AGBL1: variants seen among roughly 807,000 people sequenced by gnomAD.
The protein encoded by AGBL1 is cytosolic carboxypeptidase 4.
Under a neutral mutation model 118.9 loss-of-function variants are expected in AGBL1, and 130 were observed. That is an observed-to-expected ratio of 1.09 (90% CI 0.95 to 1.26). The LOEUF is 1.26. AGBL1 is among the 50% of genes most tolerant of loss of function. The pLI is 0.00. For synonymous variants in AGBL1, 555 were observed against 478.9 expected (o/e 1.16, Z -2.08); for missense variants, 1,584 against 1,298.1 (o/e 1.22, Z -3.38).
chr15:86,164,903 A>C (rs569418926), intron 5 of AGBL1, among the ~76,000 whole-genome samples: 110 of 152,300 alleles, frequency 7.2e-4, no homozygotes, highest in Non-Finnish European at 1.1e-3. Context: ...CCCCAAGGAC[A>C]CAGGAAGTCA....
intron 17 of AGBL1, among the ~76,000 whole-genome samples, chr15:86,354,452 A>G (rs371619175): frequency 7.9e-5 from 12 of 152,246 alleles, no homozygotes; most frequent in African/African-American, 2.9e-4. Flanking sequence ...CCATTGTCAG[A>G]AAAGGACCAG....
chr15:86,521,590 T>C (rs983242271), intron 18 of AGBL1, among the ~76,000 whole-genome samples: 3 of 152,090 alleles, frequency 2.0e-5, no homozygotes, highest in Admixed American at 6.6e-5. Flanking sequence ...CAGGGAAAGT[T>C]CCCCTGCAGA....
At chr15:86,215,227 G>A (rs80244425) in intron 5 of AGBL1, among the ~76,000 whole-genome samples, 9,812 of 116,004 alleles carry the variant, frequency 0.085, 469 homozygotes, top group East Asian at 0.26. Context: ...ATGTATGCGT[G>A]TGTGTGTGTG....
intron 1 of AGBL1, among the ~76,000 whole-genome samples, chr15:86,136,666 A>G (rs576205938): frequency 6.6e-6 from 1 of 152,338 alleles, no homozygotes; most frequent in East Asian, 1.9e-4. Context: ...GTACATAATA[A>G]CTGGTTCTGT....
At chr15:86,588,592 G>A (rs1054082485) in intron 21 of AGBL1, among the ~76,000 whole-genome samples, 8 of 152,114 alleles carry the variant, frequency 5.3e-5, no homozygotes, top group African/African-American at 1.7e-4. Flanking sequence ...CAGACACCAC[G>A]GCAACCACAA....
intron 1 of AGBL1, among the ~76,000 whole-genome samples, chr15:86,082,579 A>T (rs1449183329): frequency 2.0e-5 from 3 of 152,220 alleles, no homozygotes; most frequent in Admixed American, 2.0e-4. Flanking sequence ...ATGTCCTCCT[A>T]CTTAAGCATA....
chr15:86,710,256 C>G (rs757634527), intron 22 of AGBL1, among the ~76,000 whole-genome samples: 1 of 152,094 alleles, frequency 6.6e-6, no homozygotes, highest in Non-Finnish European at 1.5e-5. Context: ...CACCAAGTAT[C>G]GATGGATTGC....
At chr15:86,966,961 A>G (rs979779294) in intron 23 of AGBL1, among the ~76,000 whole-genome samples, 6 of 151,888 alleles carry the variant, frequency 4.0e-5, no homozygotes, top group African/African-American at 1.2e-4. Context: ...AAGTGTTCCT[A>G]TTTCTCCACA....
intron 23 of AGBL1, among the ~76,000 whole-genome samples, chr15:86,981,159 T>C (rs1308162010): frequency 1.3e-5 from 2 of 152,178 alleles, no homozygotes; most frequent in Admixed American, 6.5e-5. Context: ...AGTGCTGGGA[T>C]TGCAAAAACA....
chr15:86,389,659 T>G (rs2081247765), intron 17 of AGBL1, among the ~76,000 whole-genome samples: 1 of 152,204 alleles, frequency 6.6e-6, no homozygotes. Flanking sequence ...TGTAAATGTC[T>G]TATGGATTTT....
At chr15:86,112,728 C>G (rs1306287331) in intron 1 of AGBL1, among the ~76,000 whole-genome samples, 1 of 152,212 alleles carries the variant, frequency 6.6e-6, no homozygotes, top group East Asian at 1.9e-4. Context: ...AGGAGAATGC[C>G]TATTTCTTCT....
At chr15:86,778,407 T>A (rs1171119263) in intron 22 of AGBL1, among the ~76,000 whole-genome samples, 1 of 152,170 alleles carries the variant, frequency 6.6e-6, no homozygotes, top group African/African-American at 2.4e-5. Context: ...CTAATAAGAC[T>A]GGGAGTGCTA....
rs770028943 is a variant in AGBL1 at position 86,295,396 on chromosome 15, C to T, written c.2362C>T (p.Leu788=). 1 of 1,581,518 alleles carries T rather than the reference C, an allele frequency of 6.3e-7. No individual in the cohort carries two copies. The highest frequency in any genetic ancestry group is 8.6e-7 in the Non-Finnish European group (1 of 1,165,578). The change falls in exon 17 of 23, where the codon CTA becomes TTA. Residue 788 remains leucine (L), a synonymous_variant. Coordinates refer to ENST00000614907, the MANE Select transcript of AGBL1 (RefSeq NM_001386094.1). The stretch of plus-strand genomic sequence containing the variant: ...GCCTGAGTCCAACAGTGATGAGCAT[C>T]TAGAGCAGTTCCGTGAGTAAAATGG... The part of the protein sequence containing the change: ...AMPESNSDEH[L]EQFRHRPYQV...
intron 22 of AGBL1, among the ~76,000 whole-genome samples, chr15:86,873,573 A>C (rs2079759994): frequency 6.6e-6 from 1 of 152,090 alleles, no homozygotes; most frequent in Non-Finnish European, 1.5e-5. Flanking sequence ...GGCCTTCATG[A>C]ATGAGATTAG....
At chr15:86,380,476 C>CTCCCTTCCTTGT (rs1329867060) in intron 17 of AGBL1, among the ~76,000 whole-genome samples, 1 of 151,184 alleles carries the variant, frequency 6.6e-6, no homozygotes, top group South Asian at 2.1e-4. Context: ...TCCTCCCTCC[C>CTCCCTTCCTTGT]TCCCTTCCTT....
rs2081168996 is a variant in AGBL1, at chr15:86,385,389, A to G, written c.2375-11977A>G. The stretch of plus-strand genomic sequence containing the variant: ...AGTCTGATTCCTTAATTTTGGCACC[A>G]TCTGGGGGCTTGGTAGAAATGCAGA... On this transcript the variant is annotated intron_variant, in intron 17 of 22. Transcript: ENST00000614907. 2.0e-5 allele frequency among the ~76,000 whole-genome samples: 3 copies of G among 152,212 alleles called. No individual in the cohort carries two copies. The South Asian group carries it at 6.2e-4, about 32-fold the overall frequency.
intron 22 of AGBL1, among the ~76,000 whole-genome samples, chr15:86,755,556 G>A (rs770821855): frequency 4.6e-5 from 7 of 152,036 alleles, no homozygotes; most frequent in Non-Finnish European, 1.0e-4. Flanking sequence ...ATTTTAGGTT[G>A]ACCTCAAAGT....
At chr15:86,730,711 A>T (rs576457004) in intron 22 of AGBL1, among the ~76,000 whole-genome samples, 4 of 152,118 alleles carry the variant, frequency 2.6e-5, no homozygotes, top group African/African-American at 9.7e-5. Context: ...GGAAAAAAAT[A>T]AGAATGCATG....
intron 24 of AGBL1, among the ~76,000 whole-genome samples, chr15:87,000,774 G>C (rs1460728367): frequency 7.2e-6 from 1 of 138,992 alleles, no homozygotes; most frequent in Non-Finnish European, 1.6e-5. Context: ...GAAAGTCATT[G>C]GTAGCTTGAT....
Sources: allele counts gnomAD v4.1 joint callset (sites outside exome capture counted in the v4.1 genomes callset), GRCh38; gene constraint gnomAD v4.1.1; transcripts MANE v1.5; gene names NCBI Gene and HGNC (gene_info 2026-07-23, HGNC 2026-07-21).